The following AFF3 variants were observed in gnomAD, a reference collection of about 807,000 sequenced individuals.
AFF3 encodes AF4/FMR2 family member 3.
AFF3 carries 32 observed loss-of-function variants against 129.7 expected under a neutral mutation model. The observed-to-expected ratio is 0.25, with a 90% CI of 0.19 to 0.33. The LOEUF (loss-of-function observed/expected upper bound fraction) is 0.33, where lower values mean the gene tolerates loss of function less well. AFF3 is among the 10% of genes least tolerant of loss of function. The pLI is 1.00. For synonymous variants in AFF3, 644 were observed against 635.4 expected, an observed-to-expected ratio of 1.01 and a Z score of -0.20; for missense variants, 1,373 against 1,592.0, an observed-to-expected ratio of 0.86 and a Z score of 2.34.
rs528595401 is a variant in AFF3 at position 99,625,228 on chromosome 2, C to T, written c.1185-23607G>A. 2.0e-4 allele frequency among the ~76,000 whole-genome samples: 30 copies of T among 152,234 alleles called. No individual in the cohort carries two copies. In the South Asian group the frequency reaches 6.0e-3, roughly 31 times the overall value. On this transcript the variant is annotated intron_variant, in intron 13 of 24. Transcript: ENST00000672756. ...CTTTTAGAGAATACTTTTTTCTTAA[C>T]GGTCTTTCAATCAAAATATCGTTTG...
intron 7 of AFF3, among the ~76,000 whole-genome samples, chr2:99,875,198 C>A (rs1692193013): frequency 6.6e-6 from 1 of 152,122 alleles, no homozygotes; most frequent in Non-Finnish European, 1.5e-5. Context: ...CAGAGCACTG[C>A]AACCTCTGGG....
At chr2:99,971,279 A>G (rs1289626780) in intron 7 of AFF3, among the ~76,000 whole-genome samples, 2 of 152,166 alleles carry the variant, frequency 1.3e-5, no homozygotes, top group African/African-American at 4.8e-5. Context: ...TGCCTGCAAT[A>G]GTTGCCTAAT....
intron 8 of AFF3, among the ~76,000 whole-genome samples, chr2:99,772,862 T>C (rs1188506544): frequency 6.6e-6 from 1 of 152,170 alleles, no homozygotes; most frequent in African/African-American, 2.4e-5. Flanking sequence ...CCCAAATGCC[T>C]TTCCTGCCTG....
intron 13 of AFF3, among the ~76,000 whole-genome samples, chr2:99,640,146 C>T (rs917966694): frequency 2.0e-5 from 3 of 151,958 alleles, no homozygotes; most frequent in Non-Finnish European, 2.9e-5. Flanking sequence ...ATAGGGATGG[C>T]GTGAGTAATA....
At chr2:99,843,195 G>T (rs532502738) in intron 7 of AFF3, among the ~76,000 whole-genome samples, 1 of 152,308 alleles carries the variant, frequency 6.6e-6, no homozygotes, top group African/African-American at 2.4e-5. Context: ...ATAATTCCAT[G>T]GGAAGTCCAT....
intron 8 of AFF3, among the ~76,000 whole-genome samples, chr2:99,767,542 T>C (rs1422345702): frequency 6.6e-6 from 1 of 152,190 alleles, no homozygotes; most frequent in Non-Finnish European, 1.5e-5. Context: ...ACAGTAAACA[T>C]GTATATGACA....
At chr2:100,018,450 T>C (rs1285042774) in intron 4 of AFF3, among the ~76,000 whole-genome samples, 2 of 152,192 alleles carry the variant, frequency 1.3e-5, no homozygotes, top group African/African-American at 4.8e-5. Flanking sequence ...AAATGACAGC[T>C]TTGCATTTCC....
At chr2:99,932,624 C>G (rs1033169387) in intron 7 of AFF3, among the ~76,000 whole-genome samples, 11 of 152,144 alleles carry the variant, frequency 7.2e-5, no homozygotes, top group African/African-American at 2.7e-4. Flanking sequence ...CACTATGGCC[C>G]CTTACACACT....
At chr2:100,074,270 C>A (rs968592541) in intron 4 of AFF3, among the ~76,000 whole-genome samples, 3 of 152,180 alleles carry the variant, frequency 2.0e-5, no homozygotes, top group Admixed American at 1.3e-4. Context: ...TGCCTCCTGG[C>A]CCTCCTCCTG....
chr2:99,828,336 T>TGATCCTGCCCTGGCAGTGA (rs1448576866), intron 8 of AFF3, among the ~76,000 whole-genome samples: 5 of 152,194 alleles, frequency 3.3e-5, no homozygotes, highest in African/African-American at 1.2e-4. Flanking sequence ...TTGGTTACTG[T>TGATCCTGCCCTGGCAGTGA]GATCCTGCCC....
intron 7 of AFF3, among the ~76,000 whole-genome samples, chr2:99,930,891 C>A (rs933380724): frequency 6.6e-6 from 1 of 152,176 alleles, no homozygotes; most frequent in Non-Finnish European, 1.5e-5. Context: ...GAGAGATGTA[C>A]ATATTTTTTT....
At chr2:100,075,292 C>T (rs948701566) in intron 4 of AFF3, among the ~76,000 whole-genome samples, 1 of 152,088 alleles carries the variant, frequency 6.6e-6, no homozygotes, top group Admixed American at 6.5e-5. Context: ...TAAGAAACAC[C>T]ATGATCAGTG....
chr2:99,911,794 T>A (rs1014782212), intron 7 of AFF3, among the ~76,000 whole-genome samples: 6 of 152,100 alleles, frequency 3.9e-5, no homozygotes, highest in Non-Finnish European at 8.8e-5. Context: ...CTGTGCCAGG[T>A]GTTAGAGAAC....
intron 4 of AFF3, among the ~76,000 whole-genome samples, chr2:100,046,825 C>T (rs1685873648): frequency 6.6e-6 from 1 of 152,150 alleles, no homozygotes. Flanking sequence ...TACCGTCCCT[C>T]TTGTCCAATG....
At chr2:99,884,560 G>A (rs551009036) in intron 7 of AFF3, among the ~76,000 whole-genome samples, 207 of 132,938 alleles carry the variant, frequency 1.6e-3, no homozygotes, top group African/African-American at 5.9e-3. Context: ...CACCACACCT[G>A]GCTAATTTTT....
chr2:99,585,895 ATT>A (rs1267926356), intron 16 of AFF3, among the ~76,000 whole-genome samples: 1 of 151,754 alleles, frequency 6.6e-6, no homozygotes, highest in Non-Finnish European at 1.5e-5. Context: ...CACCCAGCTA[ATT>A]TTTTTATATT....
At chr2:99,710,982 G>A (rs998368433) in intron 11 of AFF3, among the ~76,000 whole-genome samples, 3 of 152,068 alleles carry the variant, frequency 2.0e-5, no homozygotes, top group African/African-American at 7.2e-5. Flanking sequence ...CAGCCCCTGC[G>A]GTTTCCAAGG....
rs901677635 is a variant in AFF3 at position 99,892,114 on chromosome 2, A to G, written c.874-54590T>C. Among the ~76,000 whole-genome samples the G allele has an allele frequency of 3.7e-4, 56 of 152,040 alleles. 1 individual carries two copies. Among genetic ancestry groups the G allele is most frequent in the Admixed American group, 1.8e-3 (27 of 15,278 alleles). ...TGGGATTACAGGCATGAGCCACCACACCCGGCCAAAGCCCACCAGCTTTTG... is the reference window on the plus strand; with the variant it reads ...TGGGATTACAGGCATGAGCCACCACGCCCGGCCAAAGCCCACCAGCTTTTG... On this transcript the variant is annotated intron_variant, in intron 7 of 24. Coordinates refer to ENST00000672756, the MANE Select transcript of AFF3 (RefSeq NM_001386135.1).
In AFF3 at chr2:99,664,147, G is replaced by A. The variant is rs192767874; in HGVS notation, c.1143+8391C>T. Among the ~76,000 whole-genome samples, 199 of 152,282 alleles carry A rather than the reference G, an allele frequency of 1.3e-3. No individual in the cohort carries two copies. The Middle Eastern group carries it at 0.014, about 10-fold the overall frequency. ...TTGTTAAAACCAACAGTTACAGAAAGGAGATCAAACAAATTACTCCAGGTA... is the reference window on the plus strand; with the variant it reads ...TTGTTAAAACCAACAGTTACAGAAAAGAGATCAAACAAATTACTCCAGGTA... On this transcript the variant is annotated intron_variant, in intron 12 of 24. Transcript: ENST00000672756.
Sources: gnomAD v4.1 joint callset for allele counts (sites outside exome capture counted in the v4.1 genomes callset) on GRCh38, gnomAD v4.1.1 for gene constraint, MANE v1.5 for transcripts, NCBI Gene and HGNC (gene_info 2026-07-23, HGNC 2026-07-21) for gene names.